PARP15: variants seen among roughly 807,000 people sequenced by gnomAD.
PARP15 encodes poly(ADP-ribose) polymerase family member 15, also known as protein mono-ADP-ribosyltransferase PARP15.
A neutral mutation model predicts 62.1 loss-of-function variants in PARP15; 50 were observed. That is an observed-to-expected ratio of 0.81 (90% CI 0.64 to 1.02). PARP15 has a LOEUF of 1.02. Ranked by LOEUF, PARP15 falls within the 50% of genes least tolerant of loss-of-function variation. The pLI is 0.00. For synonymous variants in PARP15, 309 were observed against 293.1 expected (o/e 1.05, Z -0.55); for missense variants, 820 against 826.5 (o/e 0.99, Z 0.10).
At chr3:122,583,496 T>A (rs1476558783) in intron 1 of PARP15, among the ~76,000 whole-genome samples, 2 of 152,166 alleles carry the variant, frequency 1.3e-5, no homozygotes, top group Non-Finnish European at 2.9e-5. Flanking sequence ...TTGCTACTTT[T>A]TTCATGCCTA....
chr3:122,580,151 G>A (rs1576467211), intron 1 of PARP15, among the ~76,000 whole-genome samples: 2 of 151,482 alleles, frequency 1.3e-5, no homozygotes, highest in African/African-American at 4.8e-5. Flanking sequence ...TGGATAGAGT[G>A]TTCTATAAAT....
chr3:122,634,665 GACT>G (rs1353265542), intron 10 of PARP15, among the ~76,000 whole-genome samples: 2 of 152,216 alleles, frequency 1.3e-5, no homozygotes, highest in African/African-American at 2.4e-5. Flanking sequence ...GCTATTGAAT[GACT>G]ACAAATTTTT....
chr3:122,600,398 A>G (rs1319370548), intron 1 of PARP15, among the ~76,000 whole-genome samples: 1 of 152,210 alleles, frequency 6.6e-6, no homozygotes, highest in Admixed American at 6.5e-5. Context: ...TTTAAAACGT[A>G]GCTTTATGTT....
At chr3:122,624,497 A>G (rs959872956) in intron 8 of PARP15, among the ~76,000 whole-genome samples, 1 of 152,208 alleles carries the variant, frequency 6.6e-6, no homozygotes, top group African/African-American at 2.4e-5. Context: ...ATTAGCAAAG[A>G]CAAGTTTATT....
In PARP15 at chr3:122,615,045, AAG is replaced by A. The variant is rs1553732537; in HGVS notation, c.772-732_772-731del. The A allele has an allele frequency of 9.4e-5, 89 of 943,964 alleles. No homozygotes were observed. The African/African-American group carries it at 1.6e-3, about 17-fold the overall frequency. The allele number at this position is 943,964 out of a possible 1,614,324, so 58.5% of individuals were successfully genotyped here. ...ACTCTGTCTGCAAAAAAAAAAAAAA[AAG>A]AAAAGAAAAGAAAAGAAAGAAAGAA... On this transcript the variant is annotated intron_variant, in intron 4 of 11. Transcript: ENST00000464300.
At chr3:122,596,940 G>A (rs758699864) in intron 1 of PARP15, among the ~76,000 whole-genome samples, 9 of 152,206 alleles carry the variant, frequency 5.9e-5, no homozygotes, top group Non-Finnish European at 1.3e-4. Context: ...AAAGTTGAGA[G>A]GCTATCTACA....
intron 6 of PARP15, 124 bp downstream of exon 6, chr3:122,617,288 G>A: frequency 9.8e-7 from 1 of 1,021,924 alleles, no homozygotes; most frequent in South Asian, 1.6e-5. Flanking sequence ...TCTGAACTCA[G>A]GAAGACGTGG....
rs889347845 is a variant in PARP15, at chr3:122,578,734, T to TA, written c.186+893dup. On this transcript the variant is annotated intron_variant, in intron 1 of 11. Coordinates refer to ENST00000464300, the MANE Select transcript of PARP15 (RefSeq NM_001113523.3). ...GAACTTTTCTGATGTATGATCAGTT[T>TA]AAAAAAAAAAAAGAAAAGCTCTTTG... Among the ~76,000 whole-genome samples, 558 of 145,290 alleles carry TA rather than the reference T, an allele frequency of 3.8e-3. 6 individuals carry two copies. Among genetic ancestry groups the TA allele is most frequent in the African/African-American group, 0.012 (467 of 39,854 alleles).
intron 1 of PARP15, among the ~76,000 whole-genome samples, chr3:122,583,724 C>A (rs1198436744): frequency 2.0e-5 from 3 of 152,158 alleles, no homozygotes; most frequent in Non-Finnish European, 4.4e-5. Flanking sequence ...AGGCAAAACC[C>A]TTCTGAATGC....
At chr3:122,624,949 C>G (rs1936602588) in intron 8 of PARP15, among the ~76,000 whole-genome samples, 1 of 151,976 alleles carries the variant, frequency 6.6e-6, no homozygotes, top group African/African-American at 2.4e-5. Context: ...AACCTAGCAA[C>G]AGAGCTAGGT....
intron 1 of PARP15, among the ~76,000 whole-genome samples, chr3:122,601,695 A>G (rs1264147083): frequency 6.6e-6 from 1 of 152,224 alleles, no homozygotes; most frequent in Non-Finnish European, 1.5e-5. Flanking sequence ...GTTGCTTCCA[A>G]GTTTTGGCAG....
intron 8 of PARP15, among the ~76,000 whole-genome samples, 170 bp downstream of exon 8, chr3:122,621,781 A>G (rs1353121836): frequency 2.0e-5 from 3 of 152,106 alleles, no homozygotes; most frequent in Non-Finnish European, 4.4e-5. Flanking sequence ...TACTGGGCCG[A>G]AGCCTCTTTC....
At chr3:122,582,980 G>C (rs570480659) in intron 1 of PARP15, among the ~76,000 whole-genome samples, 1 of 151,732 alleles carries the variant, frequency 6.6e-6, no homozygotes, top group South Asian at 2.1e-4. Context: ...TTCTCTCTAG[G>C]AGTTTGATTT....
intron 9 of PARP15, among the ~76,000 whole-genome samples, chr3:122,631,707 G>A (rs1459020182): frequency 6.6e-6 from 1 of 152,196 alleles, no homozygotes; most frequent in Non-Finnish European, 1.5e-5. Context: ...TCAAAAAATA[G>A]AAGAGAACTA....
intron 1 of PARP15, among the ~76,000 whole-genome samples, chr3:122,598,995 A>G (rs558570163): frequency 4.7e-4 from 72 of 152,150 alleles, no homozygotes; most frequent in African/African-American, 1.6e-3. Context: ...TCCCAGGTTC[A>G]AGCAATTATC....
intron 1 of PARP15, among the ~76,000 whole-genome samples, chr3:122,584,573 C>CTTTT (rs377394521): frequency 1.8e-4 from 25 of 136,926 alleles, no homozygotes; most frequent in Non-Finnish European, 1.8e-4. Flanking sequence ...CCATTTCTTT[C>CTTTT]CTTTTTTTTT....
Position 122,610,499 on chromosome 3 carries a change from T to C in PARP15, c.312T>C (p.Asp104=), listed in dbSNP as rs1234843597. Residue 104 remains aspartate (D), a synonymous_variant, in exon 3 of 12, where the codon GAT becomes GAC. Transcript: ENST00000464300. Reference sequence around the variant, plus strand: ...CTGTTGCTATTTTCGTTAAGGCCGATGTCATTGTCAACAGCGTTCCCATGA... The same window carrying C: ...CTGTTGCTATTTTCGTTAAGGCCGACGTCATTGTCAACAGCGTTCCCATGA... ...ISGDVLYIWA[D]VIVNSVPMNL... 1.9e-6 allele frequency: 3 copies of C among 1,550,714 alleles called. No homozygotes were observed. The highest frequency in any genetic ancestry group is 2.0e-5 in the Admixed American group (1 of 50,700).
intron 3 of PARP15, among the ~76,000 whole-genome samples, chr3:122,611,431 C>T (rs1367020073): frequency 6.6e-6 from 1 of 151,486 alleles, no homozygotes; most frequent in Non-Finnish European, 1.5e-5. Context: ...CTCTGCCTCC[C>T]GGGTTCAAGT....
intron 8 of PARP15, among the ~76,000 whole-genome samples, chr3:122,623,775 A>G (rs1936501447): frequency 1.3e-5 from 2 of 152,240 alleles, no homozygotes; most frequent in African/African-American, 4.8e-5. Context: ...GGAATGAATA[A>G]CAGGTGATTT....
Sources: allele counts gnomAD v4.1 joint callset (sites outside exome capture counted in the v4.1 genomes callset), GRCh38; gene constraint gnomAD v4.1.1; transcripts MANE v1.5; gene names NCBI Gene and HGNC (gene_info 2026-07-23, HGNC 2026-07-21).